Variants in MYBPC1 observed in about 807,000 individuals in gnomAD.
MYBPC1 encodes myosin binding protein C1.
MYBPC1 carries 52 observed loss-of-function variants against 147.1 expected under a neutral mutation model. The ratio of observed to expected loss-of-function variants is 0.35; its 90% CI spans 0.28 to 0.45. The LOEUF (loss-of-function observed/expected upper bound fraction) is 0.45. Among genes scored for constraint, MYBPC1 ranks in the 20% least tolerant of loss-of-function variants. MYBPC1 has a pLI of 1.00. For missense variants in MYBPC1, 1,228 were observed against 1,440.3 expected (o/e 0.85, Z 2.39); for synonymous variants, 477 against 475.9 (o/e 1.00, Z -0.03).
At chr12:101,597,342 G>T (rs1877712580) in intron 1 of MYBPC1, among the ~76,000 whole-genome samples, 1 of 152,152 alleles carries the variant, frequency 6.6e-6, no homozygotes, top group Non-Finnish European at 1.5e-5. Flanking sequence ...CCATGCCCAG[G>T]AAGGCCATGA....
intron 11 of MYBPC1, 114 bp downstream of exon 11, chr12:101,642,699 C>CT: frequency 8.1e-7 from 1 of 1,229,488 alleles, no homozygotes; most frequent in South Asian, 1.3e-5. Context: ...GGGAGTGGGG[C>CT]TGGGTAGGAG....
intron 19 of MYBPC1, among the ~76,000 whole-genome samples, chr12:101,660,719 GTTT>G (rs879790660): frequency 0.67 from 101,711 of 151,678 alleles, 35,045 homozygotes; most frequent in Admixed American, 0.8. Flanking sequence ...AGAAAAAGAG[GTTT>G]AATGGACTCA....
At position 101,631,914 on chromosome 12, in the gene MYBPC1, TG is replaced by T. The variant is rs534666137; in HGVS notation, c.439-106del. 6.1e-5 allele frequency: 79 copies of T among 1,298,194 alleles called. No individual in the cohort carries two copies. In the East Asian group the frequency reaches 1.1e-3, roughly 18 times the overall value. The allele number at this position is 1,298,194 out of a possible 1,614,324, so 80.4% of individuals were successfully genotyped here. A position where few individuals can be genotyped will look rare whatever the true frequency, so the allele number is the denominator to read the frequency against. ...ACAGGACACATTTGCCCTCCTATAG[TG>T]AGAACATTGTACTGGAATTCCCACA... On this transcript the variant is annotated intron_variant, in intron 7 of 31. Coordinates refer to ENST00000361466, the MANE Select transcript of MYBPC1 (RefSeq NM_002465.4).
chr12:101,654,520 A>G (rs1895172081), intron 18 of MYBPC1, among the ~76,000 whole-genome samples: 1 of 152,162 alleles, frequency 6.6e-6, no homozygotes, highest in African/African-American at 2.4e-5. Context: ...CCCTAAGTTT[A>G]GGACTCCCAT....
chr12:101,657,444 TA>T (rs1198918384), intron 18 of MYBPC1, among the ~76,000 whole-genome samples: 1 of 152,172 alleles, frequency 6.6e-6, no homozygotes, highest in Non-Finnish European at 1.5e-5. Flanking sequence ...ATAAAACGTA[TA>T]ACCCTCTAGC....
At chr12:101,650,979 C>G in intron 15 of MYBPC1, 1 of 475,910 alleles carries the variant, frequency 2.1e-6, no homozygotes, top group Non-Finnish European at 3.8e-6. Flanking sequence ...TGTGAGTCTG[C>G]AGATTTTGTG....
chr12:101,607,779 G>T (rs1882792477), intron 1 of MYBPC1, among the ~76,000 whole-genome samples: 1 of 152,170 alleles, frequency 6.6e-6, no homozygotes, highest in African/African-American at 2.4e-5. Flanking sequence ...AGAGAACTGG[G>T]TGTTTTGTTG....
chr12:101,618,854 CGTGTGTGTGTGTGTGTGT>C (rs35811344), intron 3 of MYBPC1, among the ~76,000 whole-genome samples: 1 of 136,798 alleles, frequency 7.3e-6, no homozygotes, highest in Non-Finnish European at 1.6e-5. Context: ...CAAAAACTGC[CGTGTGTGTGTGTGTGTGT>C]GTGTGTGTGT....
intron 1 of MYBPC1, among the ~76,000 whole-genome samples, chr12:101,603,664 A>C (rs1031061709): frequency 6.6e-6 from 1 of 152,188 alleles, no homozygotes; most frequent in Non-Finnish European, 1.5e-5. Context: ...ATACAAGATC[A>C]GGTACAATGG....
chr12:101,660,947 A>C (rs1896444719), intron 19 of MYBPC1, among the ~76,000 whole-genome samples: 1 of 152,208 alleles, frequency 6.6e-6, no homozygotes, highest in East Asian at 1.9e-4. Flanking sequence ...TCCCTCCCAC[A>C]ACATGTGGGA....
At chr12:101,673,117 G>T (rs927807683) in intron 24 of MYBPC1, among the ~76,000 whole-genome samples, 5 of 152,118 alleles carry the variant, frequency 3.3e-5, no homozygotes, top group African/African-American at 1.2e-4. Flanking sequence ...TGGGAGACCT[G>T]GTTCCAGTGC....
chr12:101,638,995 C>T (rs1891512063), intron 10 of MYBPC1, among the ~76,000 whole-genome samples: 1 of 152,022 alleles, frequency 6.6e-6, no homozygotes, highest in Non-Finnish European at 1.5e-5. Flanking sequence ...TTCTACTCCT[C>T]CAAGTGTGTG....
chr12:101,613,341 A>G (rs901201408), intron 1 of MYBPC1, among the ~76,000 whole-genome samples: 4 of 152,246 alleles, frequency 2.6e-5, no homozygotes, highest in African/African-American at 9.6e-5. Flanking sequence ...GCCCTGCTTA[A>G]CAAGAGTCAC....
At chr12:101,648,939 G>A (rs1383451303) in intron 14 of MYBPC1, among the ~76,000 whole-genome samples, 2 of 152,174 alleles carry the variant, frequency 1.3e-5, no homozygotes, top group Non-Finnish European at 2.9e-5. Context: ...TCTTTAAAAT[G>A]CATTAAATGA....
intron 30 of MYBPC1, among the ~76,000 whole-genome samples, chr12:101,684,165 A>G (rs1182248912): frequency 6.6e-6 from 1 of 152,138 alleles, no homozygotes; most frequent in Non-Finnish European, 1.5e-5. Flanking sequence ...ATATTAATAA[A>G]TGTTTTACAT....
the MYBPC1 span, among the ~76,000 whole-genome samples, chr12:101,694,617 C>A: frequency 1.3e-5 from 2 of 152,210 alleles, no homozygotes; most frequent in Non-Finnish European, 2.9e-5. Flanking sequence ...CATCTGCAAG[C>A]CAGGAAGAGA....
chr12:101,596,267 T>C (rs1027274679), intron 1 of MYBPC1, among the ~76,000 whole-genome samples: 3 of 152,232 alleles, frequency 2.0e-5, no homozygotes, highest in Admixed American at 6.5e-5. Context: ...CCTTACTTAG[T>C]GGCAGAGGGC....
At chr12:101,666,659 A>G (rs983545349) in intron 22 of MYBPC1, 1 of 1,278,398 alleles carries the variant, frequency 7.8e-7, no homozygotes, top group Non-Finnish European at 1.1e-6. Context: ...ATACTTTACT[A>G]ACAGAGAATG....
At chr12:101,654,490 T>C (rs1477023806) in intron 18 of MYBPC1, among the ~76,000 whole-genome samples, 1 of 152,098 alleles carries the variant, frequency 6.6e-6, no homozygotes, top group Admixed American at 6.5e-5. Context: ...AAGAAAAACC[T>C]GGACAGAACC....
Sources: gnomAD v4.1 joint callset for allele counts (sites outside exome capture counted in the v4.1 genomes callset) on GRCh38, gnomAD v4.1.1 for gene constraint, MANE v1.5 for transcripts, NCBI Gene and HGNC (gene_info 2026-07-23, HGNC 2026-07-21) for gene names.